CUL1: variants seen among roughly 807,000 people sequenced by gnomAD.
CUL1 encodes cullin 1, also known as cullin-1.
A neutral mutation model predicts 118.0 loss-of-function variants in CUL1; 24 were observed. That is an observed-to-expected ratio of 0.20 (90% CI 0.15 to 0.29). The LOEUF (loss-of-function observed/expected upper bound fraction) is 0.29. Ranked by LOEUF, CUL1 falls within the 10% of genes least tolerant of loss-of-function variation. The pLI, the probability that CUL1 is intolerant of heterozygous loss-of-function variation, is 1.00. For missense variants in CUL1, 361 were observed against 933.8 expected (o/e 0.39, Z 7.99); for synonymous variants, 332 against 340.4 (o/e 0.98, Z 0.27).
intron 1 of CUL1, among the ~76,000 whole-genome samples, chr7:148,727,132 C>T (rs1484972737): frequency 6.6e-6 from 1 of 152,164 alleles, no homozygotes; most frequent in African/African-American, 2.4e-5. Context: ...ATGGTAGCAT[C>T]CTACTAAATA....
At chr7:148,749,649 C>T (rs1184267329) in intron 2 of CUL1, among the ~76,000 whole-genome samples, 1 of 152,122 alleles carries the variant, frequency 6.6e-6, no homozygotes, top group Non-Finnish European at 1.5e-5. Context: ...TCTCTTTGGC[C>T]TTCCTACTCC....
chr7:148,706,367 A>G lies in CUL1; in HGVS notation c.-162+7338A>G, dbSNP rs141250067. On this transcript the variant is annotated intron_variant, in intron 1 of 21. Transcript: ENST00000325222. ...CTTTCTGCTGCTTGGAGATACCTCA[A>G]ATGGGACAGAAGGCTGTCTAATGCA... Among the ~76,000 whole-genome samples, 478 of 152,224 alleles carry G rather than the reference A, an allele frequency of 3.1e-3. 2 individuals carry two copies. The highest frequency in any genetic ancestry group is 0.011 in the African/African-American group (465 of 41,534).
chr7:148,769,434 CACACACACACACACAAAA>C (rs1800131111), intron 9 of CUL1, among the ~76,000 whole-genome samples: 1 of 150,970 alleles, frequency 6.6e-6, no homozygotes, highest in Non-Finnish European at 1.5e-5. Context: ...CACACACACA[CACACACACACACACAAAA>C]CGCTCACCCT....
At chr7:148,788,527 T>C (rs1486548118) in intron 13 of CUL1, 30 bp from the exon 14 acceptor site, 1 of 1,406,706 alleles carries the variant, frequency 7.1e-7, no homozygotes, top group Non-Finnish European at 1.0e-6. Flanking sequence ...TTGTACAAAT[T>C]AATAAGACAG....
At chr7:148,773,246 A>G (rs1443633970) in intron 9 of CUL1, among the ~76,000 whole-genome samples, 6 of 152,146 alleles carry the variant, frequency 3.9e-5, no homozygotes, top group African/African-American at 9.7e-5. Flanking sequence ...CCACATTTTC[A>G]TGAACCCTGT....
intron 2 of CUL1, among the ~76,000 whole-genome samples, chr7:148,752,183 CAT>C (rs945215664): frequency 6.6e-6 from 1 of 152,100 alleles, no homozygotes; most frequent in African/African-American, 2.4e-5. Flanking sequence ...AATATAAAAA[CAT>C]AGGAATGATA....
chr7:148,795,437 C>G (rs1288517499), intron 17 of CUL1, among the ~76,000 whole-genome samples: 5 of 151,946 alleles, frequency 3.3e-5, no homozygotes, highest in Non-Finnish European at 7.4e-5. Flanking sequence ...CCAGCCTGTT[C>G]CACTTTCTGA....
Position 148,787,096 on chromosome 7 carries a change from AG to A in CUL1, c.1456del (p.Ala486ProfsTer3). 1 of 1,613,792 alleles carries A rather than the reference AG, an allele frequency of 6.2e-7. No individual in the cohort carries two copies. Among genetic ancestry groups the A allele is most frequent in the Non-Finnish European group, 8.5e-7 (1 of 1,179,814 alleles). ...AGAACAGTGCAAGTGACGATGCCGAAGCCAGCATGATCTCCAAGTTAAAGGT... is the reference window on the plus strand; with the variant it reads ...AGAACAGTGCAAGTGACGATGCCGAACCAGCATGATCTCCAAGTTAAAGGT... Reference protein sequence around the residue: ...HQNSASDDAEASMISKLKQAC... With the variant: ...HQNSASDDAEXSMISKLKQAC... On this transcript the variant is annotated frameshift_variant, in exon 13 of 22. Coordinates refer to ENST00000325222, the MANE Select transcript of CUL1 (RefSeq NM_003592.3). LOFTEE classifies it high-confidence loss of function. The surrounding 1 kb of genome is among the most constrained non-coding windows in gnomAD (Gnocchi z 5.5).
chr7:148,786,585 A>G lies in CUL1; in HGVS notation c.1333A>G (p.Thr445Ala), dbSNP rs770108110. 1 of 1,613,892 alleles carries G rather than the reference A, an allele frequency of 6.2e-7. No homozygotes were observed. Among genetic ancestry groups the G allele is most frequent in the Non-Finnish European group, 8.5e-7 (1 of 1,179,878 alleles). The change falls in exon 12 of 22, where the codon ACA (threonine) becomes GCA (alanine). Residue 445 changes from threonine to alanine, a missense_variant. Coordinates refer to ENST00000325222, the MANE Select transcript of CUL1 (RefSeq NM_003592.3). Reference protein sequence around the residue: ...KNPEEAELEDTLNQVMVVFKY... With the variant: ...KNPEEAELEDALNQVMVVFKY... ...CCCAGAGGAGGCAGAACTAGAAGAC[A>G]CACTCAATCAAGTGGTAAGTGCTTC...
intron 1 of CUL1, among the ~76,000 whole-genome samples, chr7:148,725,212 C>T (rs1394694241): frequency 7.8e-5 from 10 of 128,006 alleles, no homozygotes; most frequent in Middle Eastern, 3.6e-3. Flanking sequence ...CACACACACA[C>T]GCGCGCGCTC....
intron 1 of CUL1, among the ~76,000 whole-genome samples, chr7:148,719,024 A>G (rs1233209682): frequency 6.6e-6 from 1 of 152,178 alleles, no homozygotes; most frequent in African/African-American, 2.4e-5. Context: ...AAACTTAGCT[A>G]CTGTTGGCCG....
chr7:148,760,900 T>C (rs113341458), intron 7 of CUL1, among the ~76,000 whole-genome samples: 150 of 152,358 alleles, frequency 9.8e-4, no homozygotes, highest in African/African-American at 3.6e-3. Context: ...TTCATGATTA[T>C]ATTAGAGGAA....
intron 11 of CUL1, 45 bp downstream of exon 11, chr7:148,784,122 T>C: frequency 6.9e-7 from 1 of 1,446,612 alleles, no homozygotes; most frequent in Non-Finnish European, 9.7e-7. Context: ...GTTTAAAATC[T>C]CAGCTTTTAT....
At chr7:148,727,444 C>G (rs939936216) in intron 1 of CUL1, among the ~76,000 whole-genome samples, 3 of 152,092 alleles carry the variant, frequency 2.0e-5, no homozygotes, top group African/African-American at 7.2e-5. Context: ...TGATTTATTC[C>G]TTCATTTATT....
intron 1 of CUL1, among the ~76,000 whole-genome samples, chr7:148,704,841 A>G (rs1451899971): frequency 3.3e-5 from 5 of 152,038 alleles, no homozygotes; most frequent in African/African-American, 7.2e-5. Flanking sequence ...CCAACTTTCT[A>G]CAGTGCACAT....
chr7:148,706,220 A>G (rs243540), intron 1 of CUL1, among the ~76,000 whole-genome samples: 47,383 of 152,074 alleles, frequency 0.31, 8,177 homozygotes, highest in South Asian at 0.48. Context: ...ACAGTCTGAA[A>G]TTCAAAAGAC....
chr7:148,706,600 T>C (rs73465474), intron 1 of CUL1, among the ~76,000 whole-genome samples: 1,605 of 145,582 alleles, frequency 0.011, 26 homozygotes, highest in African/African-American at 0.039. Flanking sequence ...ATACTGAAAT[T>C]GGCTCTTCAG....
chr7:148,756,504 T>C (rs1799664679), intron 3 of CUL1, among the ~76,000 whole-genome samples: 1 of 152,054 alleles, frequency 6.6e-6, no homozygotes, highest in Non-Finnish European at 1.5e-5. Flanking sequence ...CCCCGGCTAA[T>C]TTTTGTATTT....
chr7:148,784,900 C>T (rs1800766396), intron 11 of CUL1, among the ~76,000 whole-genome samples: 1 of 152,066 alleles, frequency 6.6e-6, no homozygotes, highest in Non-Finnish European at 1.5e-5. Flanking sequence ...TTGTAGAAAT[C>T]TTAAGTAAAA....
Sources: gnomAD v4.1 joint callset for allele counts (sites outside exome capture counted in the v4.1 genomes callset) on GRCh38, gnomAD v4.1.1 for gene constraint, Gnocchi (gnomAD v3.1) non-coding constraint, MANE v1.5 for transcripts, NCBI Gene and HGNC (gene_info 2026-07-23, HGNC 2026-07-21) for gene names.